The following HS3ST4 variants were observed in gnomAD, a reference collection of about 807,000 sequenced individuals.
HS3ST4 encodes heparan sulfate glucosamine 3-O-sulfotransferase 4.
In HS3ST4, 17 loss-of-function variants were observed where a neutral mutation model predicts 29.2. The ratio of observed to expected loss-of-function variants is 0.58; its 90% CI spans 0.40 to 0.87. HS3ST4 has a LOEUF of 0.87. HS3ST4 is among the 40% of genes least tolerant of loss of function. The pLI, the probability that HS3ST4 is intolerant of heterozygous loss-of-function variation, is 0.00. For missense variants in HS3ST4, 627 were observed against 634.5 expected, an observed-to-expected ratio of 0.99 and a Z score of 0.13; for synonymous variants, 314 against 285.7, an observed-to-expected ratio of 1.10 and a Z score of -1.00.
chr16:25,735,164 G>C (rs2059461986), intron 1 of HS3ST4, among the ~76,000 whole-genome samples: 1 of 152,188 alleles, frequency 6.6e-6, no homozygotes, highest in South Asian at 2.1e-4. Flanking sequence ...TGAATGTGTA[G>C]GCAGTGAGCA....
chr16:26,030,608 C>T (rs1383356911), intron 1 of HS3ST4, among the ~76,000 whole-genome samples: 1 of 152,130 alleles, frequency 6.6e-6, no homozygotes, highest in Non-Finnish European at 1.5e-5. Flanking sequence ...CAGTTTTGTA[C>T]TTCTCCTGGG....
intron 1 of HS3ST4, among the ~76,000 whole-genome samples, chr16:25,754,920 T>A (rs1474965995): frequency 6.6e-6 from 1 of 151,654 alleles, no homozygotes; most frequent in African/African-American, 2.4e-5. Flanking sequence ...CACCCATCCA[T>A]CCATTCATCC....
intron 1 of HS3ST4, among the ~76,000 whole-genome samples, chr16:25,942,153 C>T (rs1968578410): frequency 6.6e-6 from 1 of 152,096 alleles, no homozygotes; most frequent in African/African-American, 2.4e-5. Flanking sequence ...GGGCCTGTAC[C>T]AATTGATGGA....
chr16:25,893,147 AG>A (rs1397869516), intron 1 of HS3ST4, among the ~76,000 whole-genome samples: 1 of 152,170 alleles, frequency 6.6e-6, no homozygotes, highest in African/African-American at 2.4e-5. Flanking sequence ...GACCAGAGGC[AG>A]GGATGATTTT....
intron 1 of HS3ST4, among the ~76,000 whole-genome samples, chr16:25,985,891 C>T (rs565137396): frequency 1.3e-5 from 2 of 152,186 alleles, no homozygotes; most frequent in Non-Finnish European, 2.9e-5. Flanking sequence ...CACTGTGTTG[C>T]CCATGCTGGT....
At chr16:25,961,442 A>G (rs1015709044) in intron 1 of HS3ST4, among the ~76,000 whole-genome samples, 2 of 152,094 alleles carry the variant, frequency 1.3e-5, no homozygotes, top group Non-Finnish European at 2.9e-5. Flanking sequence ...GTAGATTCAC[A>G]CTCATGTGAT....
chr16:25,889,378 G>A (rs548376028), intron 1 of HS3ST4, among the ~76,000 whole-genome samples: 39 of 152,252 alleles, frequency 2.6e-4, no homozygotes, highest in African/African-American at 8.9e-4. Flanking sequence ...ACTTCCCATC[G>A]CCAGACTTGC....
chr16:25,737,224 C>T (rs1480265083), intron 1 of HS3ST4, among the ~76,000 whole-genome samples: 2 of 152,262 alleles, frequency 1.3e-5, no homozygotes, highest in South Asian at 2.1e-4. Context: ...CTGCTGGTTA[C>T]GATGCACATT....
intron 1 of HS3ST4, among the ~76,000 whole-genome samples, chr16:26,071,987 G>A (rs1484772185): frequency 6.6e-6 from 1 of 152,088 alleles, no homozygotes; most frequent in Non-Finnish European, 1.5e-5. Context: ...CTCCTCCGAT[G>A]GGCCCTTCAC....
intron 1 of HS3ST4, among the ~76,000 whole-genome samples, chr16:25,775,858 C>A (rs1966847120): frequency 6.6e-6 from 1 of 152,212 alleles, no homozygotes; most frequent in Admixed American, 6.5e-5. Context: ...AGATCAAATT[C>A]CATGATGGCA....
chr16:25,915,718 A>G (rs1968287229), intron 1 of HS3ST4, among the ~76,000 whole-genome samples: 1 of 152,230 alleles, frequency 6.6e-6, no homozygotes, highest in African/African-American at 2.4e-5. Flanking sequence ...TTGTGAAAAT[A>G]TGAATGAGCA....
intron 1 of HS3ST4, among the ~76,000 whole-genome samples, chr16:25,714,220 A>G (rs1436042764): frequency 6.6e-6 from 1 of 152,152 alleles, no homozygotes; most frequent in Non-Finnish European, 1.5e-5. Flanking sequence ...AATACATGAA[A>G]ATAAAATAAA....
At chr16:26,056,922 G>T (rs112518292) in intron 1 of HS3ST4, among the ~76,000 whole-genome samples, 2,251 of 152,184 alleles carry the variant, frequency 0.015, 35 homozygotes, top group African/African-American at 0.034. Flanking sequence ...ATACTTTGTG[G>T]AGTAGTTCAC....
At chr16:25,866,398 A>G (rs1184858070) in intron 1 of HS3ST4, among the ~76,000 whole-genome samples, 3 of 152,142 alleles carry the variant, frequency 2.0e-5, no homozygotes, top group African/African-American at 7.2e-5. Context: ...AAGACTTGGA[A>G]CCAACCCAAA....
intron 1 of HS3ST4, among the ~76,000 whole-genome samples, chr16:26,048,268 C>A (rs575071920): frequency 2.0e-4 from 30 of 152,312 alleles, no homozygotes; most frequent in African/African-American, 6.5e-4. Flanking sequence ...TAGGAACAAA[C>A]TTCAACAAAT....
At chr16:25,907,429 C>T (rs555137150) in intron 1 of HS3ST4, among the ~76,000 whole-genome samples, 1 of 152,050 alleles carries the variant, frequency 6.6e-6, no homozygotes, top group Non-Finnish European at 1.5e-5. Flanking sequence ...TAGAGGTCAC[C>T]TTGATCATGA....
At chr16:25,973,809 T>A (rs1336562447) in intron 1 of HS3ST4, among the ~76,000 whole-genome samples, 1 of 152,190 alleles carries the variant, frequency 6.6e-6, no homozygotes, top group Non-Finnish European at 1.5e-5. Flanking sequence ...GTGAGGAAAC[T>A]GAGACTCAGG....
intron 1 of HS3ST4, chr16:25,886,766 CGAAAG>C (rs1009491042): frequency 9.9e-5 from 15 of 152,282 alleles, no homozygotes; most frequent in Admixed American, 7.8e-4. Context: ...CATTAAATGT[CGAAAG>C]GAAGGCGGAG....
chr16:25,867,131 C>T (rs564781763), intron 1 of HS3ST4, among the ~76,000 whole-genome samples: 2 of 152,316 alleles, frequency 1.3e-5, no homozygotes, highest in Admixed American at 6.5e-5. Context: ...AAAATCTATG[C>T]TTAAAATCCT....
Sources: allele counts gnomAD v4.1 joint callset (sites outside exome capture counted in the v4.1 genomes callset), GRCh38; gene constraint gnomAD v4.1.1; transcripts MANE v1.5; gene names NCBI Gene and HGNC (gene_info 2026-07-23, HGNC 2026-07-21).